MSN: variants seen among roughly 807,000 people sequenced by gnomAD.
MSN encodes epididymis luminal protein 70.
MSN carries 2 observed loss-of-function variants against 48.0 expected under a neutral mutation model. The ratio of observed to expected loss-of-function variants is 0.04; its 90% confidence interval spans 0.02 to 0.13. The LOEUF (loss-of-function observed/expected upper bound fraction) is 0.13. Ranked by LOEUF, MSN falls within the 10% of genes least tolerant of loss-of-function variation. MSN has a pLI of 1.00. For missense variants in MSN, 267 were observed against 470.1 expected (o/e 0.57, Z 3.99); for synonymous variants, 146 against 166.9 (o/e 0.87, Z 0.97).
At position 65,741,218 on chromosome X, in the gene MSN, C is replaced by A; in HGVS notation, c.*1325C>A. 1 of 170,684 alleles carries A rather than the reference C, an allele frequency of 5.9e-6. No individual in the cohort carries two copies. The highest frequency in any genetic ancestry group is 2.9e-5 in the African/African-American group (1 of 34,174). 14.1% of individuals were successfully genotyped at this position (170,684 alleles called of 1,213,427 possible). On this transcript the variant is annotated 3_prime_UTR_variant, in exon 13 of 13. Coordinates refer to ENST00000360270, the MANE Select transcript of MSN (RefSeq NM_002444.3). ...GCCTAGTCCCTTCCACACCCCCACC[C>A]CTTGCTCTCAACCCAGGAGCATCCA...
chrX:65,681,730 T>C (rs1436614357), intron 1 of MSN, among the ~76,000 whole-genome samples: 1 of 111,859 alleles, frequency 8.9e-6, no homozygotes, highest in African/African-American at 3.3e-5. Flanking sequence ...CACTAATGCA[T>C]CTGCAAGTGG....
At chrX:65,679,446 T>C (rs1296195699) in intron 1 of MSN, among the ~76,000 whole-genome samples, 1 of 111,692 alleles carries the variant, frequency 9.0e-6, no homozygotes, top group Non-Finnish European at 1.9e-5. Flanking sequence ...CTAGGTGATA[T>C]GGGCTTGGGT....
intron 2 of MSN, among the ~76,000 whole-genome samples, chrX:65,727,596 A>ATAAG (rs1427788189): frequency 2.0e-4 from 23 of 112,373 alleles, no homozygotes; most frequent in African/African-American, 6.8e-4. Context: ...GTCAGTGCTC[A>ATAAG]TAAGTAATAG....
At chrX:65,659,814 A>C (rs2070808716) in intron 1 of MSN, among the ~76,000 whole-genome samples, 1 of 111,322 alleles carries the variant, frequency 9.0e-6, no homozygotes, top group Admixed American at 9.7e-5. Flanking sequence ...TCACAGAGTA[A>C]CCAACCTATA....
intron 1 of MSN, among the ~76,000 whole-genome samples, chrX:65,642,886 C>A (rs73522168): frequency 0.06 from 6,669 of 110,439 alleles, 566 homozygotes; most frequent in African/African-American, 0.21. Context: ...GGAAAAAAAA[C>A]CAATGGGATC....
At chrX:65,635,761 A>G (rs2070593672) in intron 1 of MSN, among the ~76,000 whole-genome samples, 1 of 112,089 alleles carries the variant, frequency 8.9e-6, no homozygotes, top group Admixed American at 9.5e-5. Context: ...AGATTGGGAC[A>G]TCATGGAAGA....
chrX:65,646,493 T>C (rs2070695844), intron 1 of MSN, among the ~76,000 whole-genome samples: 1 of 111,864 alleles, frequency 8.9e-6, no homozygotes, highest in Non-Finnish European at 1.9e-5. Flanking sequence ...TACAATGGCT[T>C]CCAAACTGAG....
rs1166360721 is a variant in MSN, at chrX:65,593,277, G to A, written c.-22+4665G>A. 9.1e-5 allele frequency: 10 copies of A among 109,810 alleles called. 1 individual carries two copies. The Admixed American group carries it at 9.8e-4, about 11-fold the overall frequency. The allele number at this position is 109,810 out of a possible 1,213,427, so 9.0% of individuals were successfully genotyped here. On this transcript the variant is annotated intron_variant, in intron 1 of 3. Transcript: ENST00000609672. ...GGAGGAAGAGAAGGGACCATCTCAG[G>A]TATGACTTCAAATCAAGCCACTGGG...
In MSN at chrX:65,657,891, A is replaced by G. The variant is rs189542014; in HGVS notation, c.-21-58927A>G. 7.9e-4 allele frequency among the ~76,000 whole-genome samples: 89 copies of G among 112,032 alleles called. 2 individuals are homozygous for G. Among genetic ancestry groups the G allele is most frequent in the African/African-American group, 2.9e-3 (89 of 30,828 alleles). ...CCTGGGCCCAGATCCCTGTGCCACC[A>G]TCAACAAATCAACAAACATGTGACT... On this transcript the variant is annotated intron_variant, in intron 1 of 3. Transcript: ENST00000609672.
intron 1 of MSN, among the ~76,000 whole-genome samples, chrX:65,605,136 G>A (rs189249519): frequency 2.7e-5 from 3 of 112,014 alleles, no homozygotes; most frequent in Admixed American, 1.9e-4. Context: ...TGACCTTTCC[G>A]TTTGGTAAAT....
intron 1 of MSN, among the ~76,000 whole-genome samples, chrX:65,660,681 C>T (rs183463506): frequency 1.8e-5 from 2 of 110,204 alleles, no homozygotes; most frequent in Admixed American, 1.9e-4. Context: ...ATTCTCCTGC[C>T]TCAGCCTACC....
intron 1 of MSN, among the ~76,000 whole-genome samples, chrX:65,712,626 C>T (rs2071425255): frequency 1.9e-5 from 2 of 107,411 alleles, no homozygotes; most frequent in African/African-American, 6.8e-5. Context: ...CTGACTAATA[C>T]TTGGACAAGA....
At chrX:65,677,250 G>A (rs987277447) in intron 1 of MSN, among the ~76,000 whole-genome samples, 10 of 111,586 alleles carry the variant, frequency 9.0e-5, no homozygotes, top group African/African-American at 3.3e-4. Context: ...GGAGGGTGAG[G>A]GTCAAGGTAA....
At chrX:65,604,431 T>C (rs1439794613) in intron 1 of MSN, among the ~76,000 whole-genome samples, 1 of 111,691 alleles carries the variant, frequency 9.0e-6, no homozygotes, top group East Asian at 2.8e-4. Context: ...CAGGAAACCA[T>C]GTCATCCCAC....
At chrX:65,724,267 C>T (rs2071545916) in intron 2 of MSN, among the ~76,000 whole-genome samples, 2 of 110,527 alleles carry the variant, frequency 1.8e-5, no homozygotes, top group African/African-American at 6.6e-5. Flanking sequence ...GCCTCAGTCT[C>T]CCAAGTAGCT....
intron 1 of MSN, among the ~76,000 whole-genome samples, chrX:65,696,302 G>C (rs2071238718): frequency 9.0e-6 from 1 of 111,185 alleles, no homozygotes; most frequent in Admixed American, 9.5e-5. Flanking sequence ...TGATAAAGTG[G>C]TGGTATGTAG....
At chrX:65,693,642 G>T (rs1261816940) in intron 1 of MSN, among the ~76,000 whole-genome samples, 2 of 111,958 alleles carry the variant, frequency 1.8e-5, no homozygotes, top group Non-Finnish European at 3.8e-5. Context: ...AAGGAGGGTG[G>T]TAGTTATAAG....
intron 1 of MSN, among the ~76,000 whole-genome samples, chrX:65,686,524 A>C (rs1281707538): frequency 8.8e-6 from 1 of 113,110 alleles, no homozygotes; most frequent in Admixed American, 9.3e-5. Context: ...GTTTGAGATC[A>C]GGTTCCAAAA....
intron 1 of MSN, among the ~76,000 whole-genome samples, chrX:65,668,785 T>G (rs1461245756): frequency 8.9e-6 from 1 of 111,868 alleles, no homozygotes; most frequent in Admixed American, 9.4e-5. Context: ...TCATGCCAAA[T>G]GGCTGCTGAG....
Sources: allele counts gnomAD v4.1 joint callset (sites outside exome capture counted in the v4.1 genomes callset), GRCh38; gene constraint gnomAD v4.1.1; transcripts MANE v1.5; gene names NCBI Gene and HGNC (gene_info 2026-07-23, HGNC 2026-07-21).